Variants in SORCS1 observed in about 807,000 individuals in gnomAD.
The protein encoded by SORCS1 is VPS10 domain-containing receptor SorCS1.
SORCS1 carries 60 observed loss-of-function variants against 146.1 expected under a neutral mutation model. The observed-to-expected ratio is 0.41, with a 90% CI of 0.33 to 0.51. The LOEUF (loss-of-function observed/expected upper bound fraction) is 0.51, where lower values mean the gene tolerates loss of function less well. SORCS1 is among the 20% of genes least tolerant of loss of function. The pLI, the probability that SORCS1 is intolerant of heterozygous loss-of-function variation, is 0.21. For synonymous variants in SORCS1, 637 were observed against 584.0 expected, an observed-to-expected ratio of 1.09 and a Z score of -1.31; for missense variants, 1,352 against 1,487.6, an observed-to-expected ratio of 0.91 and a Z score of 1.50.
At chr10:107,039,522 G>A (rs1218683467) in intron 1 of SORCS1, among the ~76,000 whole-genome samples, 1 of 152,052 alleles carries the variant, frequency 6.6e-6, no homozygotes, top group African/African-American at 2.4e-5. Context: ...ATTCTTTCCT[G>A]CTTCTCAGAA....
chr10:107,020,360 G>A (rs1958076953), intron 1 of SORCS1, among the ~76,000 whole-genome samples: 1 of 152,166 alleles, frequency 6.6e-6, no homozygotes, highest in Admixed American at 6.5e-5. Context: ...ACCCAAAAGT[G>A]TTATCTGGAA....
At chr10:106,890,962 AAAC>A (rs1951207259) in intron 2 of SORCS1, among the ~76,000 whole-genome samples, 1 of 152,172 alleles carries the variant, frequency 6.6e-6, no homozygotes, top group South Asian at 2.1e-4. Flanking sequence ...AAAGAGCAGC[AAAC>A]AACATGTGTT....
rs192715563 is a variant in SORCS1, at chr10:106,873,122, C to T, written c.627-43449G>A. ...CCAGGAGGCAGAGGTTGCAATGAGC[C>T]GAGATTGCACCACTGCACTCCAGCC... On this transcript the variant is annotated intron_variant, in intron 2 of 25. Coordinates refer to ENST00000263054, the MANE Select transcript of SORCS1 (RefSeq NM_052918.5). 5.3e-3 allele frequency among the ~76,000 whole-genome samples: 804 copies of T among 152,018 alleles called. 6 individuals carry two copies. The highest frequency in any genetic ancestry group is 0.016 in the African/African-American group (672 of 41,448).
chr10:106,915,880 G>A (rs2138313252), intron 2 of SORCS1, among the ~76,000 whole-genome samples: 1 of 152,264 alleles, frequency 6.6e-6, no homozygotes, highest in East Asian at 1.9e-4. Flanking sequence ...GAAGGGACCT[G>A]GCTCCAAATT....
At chr10:106,844,016 G>A (rs1949189198) in intron 2 of SORCS1, among the ~76,000 whole-genome samples, 1 of 152,140 alleles carries the variant, frequency 6.6e-6, no homozygotes, top group Admixed American at 6.6e-5. Context: ...CCCACCACAA[G>A]TGTACAAGGG....
At chr10:106,901,794 A>T (rs1951715255) in intron 2 of SORCS1, among the ~76,000 whole-genome samples, 1 of 152,176 alleles carries the variant, frequency 6.6e-6, no homozygotes, top group Admixed American at 6.5e-5. Flanking sequence ...CTGTAATCCC[A>T]GCACTTTGGG....
intron 5 of SORCS1, among the ~76,000 whole-genome samples, chr10:106,731,768 T>C (rs899362211): frequency 1.2e-4 from 18 of 152,026 alleles, no homozygotes; most frequent in Non-Finnish European, 2.2e-4. Flanking sequence ...CCAATAAAGC[T>C]ACTGGAAGGT....
chr10:106,836,205 T>G (rs1052944539), intron 2 of SORCS1, among the ~76,000 whole-genome samples: 4 of 152,144 alleles, frequency 2.6e-5, no homozygotes, highest in African/African-American at 9.7e-5. Flanking sequence ...CCGGGCGCAG[T>G]GGCTCACGCC....
chr10:107,123,454 C>G (rs2134561732), intron 1 of SORCS1, among the ~76,000 whole-genome samples: 1 of 152,224 alleles, frequency 6.6e-6, no homozygotes, highest in Non-Finnish European at 1.5e-5. Flanking sequence ...AGGCAGAACC[C>G]TTTGAAAGCA....
At chr10:107,157,190 ATGGG>A (rs1159206425) in intron 1 of SORCS1, among the ~76,000 whole-genome samples, 8 of 151,884 alleles carry the variant, frequency 5.3e-5, no homozygotes, top group Non-Finnish European at 8.8e-5. Context: ...CTTGCCTGTG[ATGGG>A]CTTCAGACAA....
At chr10:106,830,717 G>A (rs936024745) in intron 2 of SORCS1, among the ~76,000 whole-genome samples, 2 of 151,814 alleles carry the variant, frequency 1.3e-5, no homozygotes, top group African/African-American at 2.4e-5. Flanking sequence ...CCAACGTTGC[G>A]ACACTCCTTC....
chr10:106,609,717 AC>A (rs1285816471), intron 22 of SORCS1, among the ~76,000 whole-genome samples: 2 of 152,244 alleles, frequency 1.3e-5, no homozygotes, highest in Non-Finnish European at 2.9e-5. Context: ...ATTATGCTAC[AC>A]AGCAGGCTAG....
intron 15 of SORCS1, 88 bp from the exon 16 acceptor site, chr10:106,671,455 A>C (rs1851596660): frequency 6.4e-7 from 1 of 1,560,690 alleles, no homozygotes. Context: ...AGACATTTGC[A>C]CATCTTAGTG....
chr10:106,786,071 G>A (rs1284956079), intron 3 of SORCS1, among the ~76,000 whole-genome samples: 1 of 152,126 alleles, frequency 6.6e-6, no homozygotes, highest in Non-Finnish European at 1.5e-5. Flanking sequence ...TTTTTTTCAT[G>A]ACTGCATATT....
intron 1 of SORCS1, among the ~76,000 whole-genome samples, chr10:106,984,223 G>T (rs74589262): frequency 0.013 from 2,011 of 152,148 alleles, 38 homozygotes; most frequent in African/African-American, 0.045. Context: ...AGATAGCATG[G>T]CATCTTATGG....
At chr10:107,099,232 A>G (rs917139729) in intron 1 of SORCS1, among the ~76,000 whole-genome samples, 1 of 152,232 alleles carries the variant, frequency 6.6e-6, no homozygotes, top group African/African-American at 2.4e-5. Flanking sequence ...TTCTTTCTCT[A>G]TTAACTACAT....
At chr10:107,166,686 G>C (rs1351017325), upstream of SORCS1, among the ~76,000 whole-genome samples, 1 of 152,174 alleles carries the variant, frequency 6.6e-6, no homozygotes, top group Non-Finnish European at 1.5e-5. Context: ...GAGCTTTGCA[G>C]GATCATTTAC....
intron 2 of SORCS1, among the ~76,000 whole-genome samples, chr10:106,849,684 T>C (rs1441214462): frequency 6.6e-6 from 1 of 151,082 alleles, no homozygotes; most frequent in Non-Finnish European, 1.5e-5. Context: ...GTTTCCAGTT[T>C]TTCTGTTCTG....
chr10:106,711,780 T>C (rs146120962), intron 6 of SORCS1, among the ~76,000 whole-genome samples: 235 of 152,300 alleles, frequency 1.5e-3, no homozygotes, highest in African/African-American at 5.2e-3. Flanking sequence ...CAGGATCTTT[T>C]TCCTTAAAGA....
Sources: gnomAD v4.1 joint callset for allele counts (sites outside exome capture counted in the v4.1 genomes callset) on GRCh38, gnomAD v4.1.1 for gene constraint, MANE v1.5 for transcripts, NCBI Gene and HGNC (gene_info 2026-07-23, HGNC 2026-07-21) for gene names.